SHTN1: variants seen among roughly 807,000 people sequenced by gnomAD.
SHTN1 encodes the protein shootin 1, also known as shootin-1.
SHTN1 carries 42 observed loss-of-function variants against 83.1 expected under a neutral mutation model. The observed-to-expected ratio is 0.51, with a 90% CI of 0.39 to 0.65. The LOEUF is 0.65. SHTN1 is among the 30% of genes least tolerant of loss of function. SHTN1 has a pLI of 0.00. For missense variants in SHTN1, 622 were observed against 737.8 expected (o/e 0.84, Z 1.82); for synonymous variants, 224 against 247.7 (o/e 0.90, Z 0.90).
chr10:116,942,215 ATTTT>A (rs71013625), intron 8 of SHTN1, among the ~76,000 whole-genome samples: 1 of 145,446 alleles, frequency 6.9e-6, no homozygotes, highest in Non-Finnish European at 1.5e-5. Flanking sequence ...GATTACAGTA[ATTTT>A]TTTTTTTTTT....
intron 1 of SHTN1, among the ~76,000 whole-genome samples, chr10:117,062,906 C>T (rs1187338856): frequency 1.3e-5 from 2 of 152,106 alleles, no homozygotes; most frequent in Non-Finnish European, 2.9e-5. Flanking sequence ...TCATTCATGG[C>T]AAGGCATAGG....
chr10:117,125,489 A>C (rs1052370844), intron 1 of SHTN1, among the ~76,000 whole-genome samples: 1 of 151,954 alleles, frequency 6.6e-6, no homozygotes, highest in Admixed American at 6.6e-5. Flanking sequence ...CACCCATCTC[A>C]TCTTGTAACT....
At chr10:116,902,581 T>C (rs766375953) in intron 15 of SHTN1, among the ~76,000 whole-genome samples, 2 of 152,180 alleles carry the variant, frequency 1.3e-5, no homozygotes, top group Non-Finnish European at 2.9e-5. Context: ...ATAATAAAAC[T>C]TGTTACTGGA....
intron 2 of SHTN1, among the ~76,000 whole-genome samples, chr10:117,044,270 C>G (rs1237899380): frequency 1.8e-5 from 2 of 112,562 alleles, no homozygotes; most frequent in African/African-American, 5.2e-5. Context: ...TTATACTATT[C>G]TATAATCTGT....
At chr10:117,098,196 G>A (rs1490569098) in intron 1 of SHTN1, among the ~76,000 whole-genome samples, 2 of 145,566 alleles carry the variant, frequency 1.4e-5, no homozygotes, top group Non-Finnish European at 3.0e-5. Flanking sequence ...AGACCATCCT[G>A]GCTAACACGG....
chr10:116,973,221 C>T (rs1303509564), intron 2 of SHTN1, among the ~76,000 whole-genome samples: 3 of 152,144 alleles, frequency 2.0e-5, no homozygotes, highest in Non-Finnish European at 4.4e-5. Context: ...TGTACGTATA[C>T]GTTATGCAAG....
chr10:116,998,587 T>C lies in SHTN1; in HGVS notation c.58+6435A>G, dbSNP rs145162219. ...GAAAAAACTTGGAATATATAGGGTT[T>C]GTTATTATCCATGATTTCAGGCACC... On this transcript the variant is annotated intron_variant, in intron 1 of 16. Coordinates refer to ENST00000355371, the MANE Select transcript of SHTN1 (RefSeq NM_001127211.3). 1.3e-3 allele frequency among the ~76,000 whole-genome samples: 205 copies of C among 152,284 alleles called. 2 individuals are homozygous for C. Among genetic ancestry groups the C allele is most frequent in the East Asian group, 0.012 (62 of 5,186 alleles).
At chr10:117,010,717 A>C (rs941514699) in intron 2 of SHTN1, among the ~76,000 whole-genome samples, 1 of 152,226 alleles carries the variant, frequency 6.6e-6, no homozygotes, top group African/African-American at 2.4e-5. Context: ...CAACACATTA[A>C]AAGGATTATA....
intron 1 of SHTN1, among the ~76,000 whole-genome samples, chr10:117,086,405 T>C (rs1393894926): frequency 6.6e-6 from 1 of 152,238 alleles, no homozygotes; most frequent in Non-Finnish European, 1.5e-5. Flanking sequence ...CTGAGCGTCC[T>C]TGTCTTTTCA....
At position 116,945,038 on chromosome 10, in the gene SHTN1, A is replaced by AG; in HGVS notation, c.617-21_617-20insC. The AG allele has an allele frequency of 7.2e-7, 1 of 1,394,528 alleles. No individual in the cohort carries two copies. 86.4% of individuals were successfully genotyped at this position (1,394,528 alleles called of 1,614,324 possible). ...TGGACACTTAAGAAGATAAAGGAAAAAAAAAACCCAGACAATAAGTCACAC... is the reference window on the plus strand; with the variant it reads ...TGGACACTTAAGAAGATAAAGGAAAAGAAAAAACCCAGACAATAAGTCACAC... On this transcript the variant is annotated intron_variant, in intron 7 of 16. Coordinates refer to ENST00000355371, the MANE Select transcript of SHTN1 (RefSeq NM_001127211.3).
chr10:116,986,073 G>A (rs1266461290), intron 1 of SHTN1, among the ~76,000 whole-genome samples: 2 of 152,134 alleles, frequency 1.3e-5, no homozygotes, highest in Non-Finnish European at 2.9e-5. Flanking sequence ...TGATACTTAA[G>A]AAGTACTCTC....
At chr10:116,933,534 A>G (rs1431588676) in intron 9 of SHTN1, among the ~76,000 whole-genome samples, 2 of 152,122 alleles carry the variant, frequency 1.3e-5, no homozygotes, top group Non-Finnish European at 2.9e-5. Context: ...TCCATGGTGT[A>G]TATGTGCCAC....
At chr10:117,033,291 G>C (rs1852447704) in intron 2 of SHTN1, among the ~76,000 whole-genome samples, 2 of 151,484 alleles carry the variant, frequency 1.3e-5, no homozygotes. Flanking sequence ...CCTTTAGCCA[G>C]ACTAAGAAAA....
intron 2 of SHTN1, among the ~76,000 whole-genome samples, chr10:116,969,389 C>T (rs185232940): frequency 2.0e-4 from 31 of 151,778 alleles, no homozygotes; most frequent in Middle Eastern, 3.4e-3. Context: ...TGCACTGAGC[C>T]GAGATCACAC....
chr10:116,948,893 A>G, intron 7 of SHTN1, 23 bp downstream of exon 7: 2 of 1,494,394 alleles, frequency 1.3e-6, no homozygotes, highest in Non-Finnish European at 1.8e-6. Flanking sequence ...CGTATTTGAG[A>G]AAAAAAGACT....
intron 1 of SHTN1, among the ~76,000 whole-genome samples, chr10:117,079,023 ATT>A (rs57691360): frequency 0.18 from 27,179 of 151,568 alleles, 2,557 homozygotes; most frequent in East Asian, 0.31. Context: ...AGATTTGTGA[ATT>A]TTTTTTATTT....
At chr10:117,083,595 T>A (rs1853304817) in intron 1 of SHTN1, among the ~76,000 whole-genome samples, 1 of 151,478 alleles carries the variant, frequency 6.6e-6, no homozygotes. Context: ...CTTGCTAGAT[T>A]GGGGAAGTTC....
rs1316288286 is a variant in SHTN1 at position 117,005,177 on chromosome 10, T to C, written c.-98A>G. On this transcript the variant is annotated 5_prime_UTR_variant, in exon 1 of 17. Transcript: ENST00000355371. ...AAGCAAGATGCCGGTGGCTTGCGGC[T>C]CCACTACCCGGAAGTTGGATCCGCT... 1.9e-6 allele frequency: 3 copies of C among 1,540,970 alleles called. No homozygotes were observed. Among genetic ancestry groups the C allele is most frequent in the South Asian group, 1.2e-5 (1 of 83,626 alleles).
intron 14 of SHTN1, 71 bp downstream of exon 14, chr10:116,911,719 A>G: frequency 3.2e-6 from 5 of 1,582,894 alleles, no homozygotes; most frequent in Non-Finnish European, 3.5e-6. Flanking sequence ...ACAATTCACA[A>G]AAAACAGATT....
Sources: gnomAD v4.1 joint callset for allele counts (sites outside exome capture counted in the v4.1 genomes callset) on GRCh38, gnomAD v4.1.1 for gene constraint, MANE v1.5 for transcripts, NCBI Gene and HGNC (gene_info 2026-07-23, HGNC 2026-07-21) for gene names.